GRIK1: variants seen among roughly 807,000 people sequenced by gnomAD.
The protein encoded by GRIK1 is glutamate receptor ionotropic, kainate 1.
A neutral mutation model predicts 105.7 loss-of-function variants in GRIK1; 69 were observed. The observed-to-expected ratio is 0.65, with a 90% CI of 0.54 to 0.80. GRIK1 has a LOEUF of 0.80. GRIK1 is among the 30% of genes least tolerant of loss of function. The pLI is 0.00. For missense variants in GRIK1, 1,109 were observed against 1,167.3 expected (o/e 0.95, Z 0.73); for synonymous variants, 438 against 431.3 (o/e 1.02, Z -0.19).
intron 1 of GRIK1, among the ~76,000 whole-genome samples, chr21:29,910,396 A>C (rs1371363179): frequency 6.6e-6 from 1 of 152,148 alleles, no homozygotes; most frequent in East Asian, 1.9e-4. Context: ...AAGCAAAAAC[A>C]GTCTTTAATT....
intron 1 of GRIK1, among the ~76,000 whole-genome samples, chr21:29,791,232 T>C (rs982545486): frequency 6.6e-5 from 10 of 152,034 alleles, no homozygotes; most frequent in Non-Finnish European, 1.2e-4. Flanking sequence ...CTCAGTGTGA[T>C]GGAAAGCCAG....
intron 1 of GRIK1, among the ~76,000 whole-genome samples, chr21:29,876,560 A>G (rs1430322420): frequency 6.6e-6 from 1 of 152,064 alleles, no homozygotes; most frequent in Non-Finnish European, 1.5e-5. Flanking sequence ...TGCTTTTTCT[A>G]TACATGTTGC....
At chr21:29,599,394 G>A (rs148936062) in intron 7 of GRIK1, among the ~76,000 whole-genome samples, 2 of 152,284 alleles carry the variant, frequency 1.3e-5, no homozygotes, top group Admixed American at 6.5e-5. Flanking sequence ...TTATGACTTA[G>A]CGTGTTTGCA....
intron 1 of GRIK1, among the ~76,000 whole-genome samples, chr21:29,768,217 C>T (rs1439325901): frequency 6.6e-6 from 1 of 152,100 alleles, no homozygotes; most frequent in Non-Finnish European, 1.5e-5. Context: ...GGTGCTAATT[C>T]TGGGTATGCC....
chr21:29,613,736 G>A (rs1025832158), intron 7 of GRIK1, among the ~76,000 whole-genome samples: 5 of 152,158 alleles, frequency 3.3e-5, no homozygotes, highest in African/African-American at 4.8e-5. Context: ...TGAAAACATT[G>A]AGTTAGTCAT....
At chr21:29,575,600 G>A (rs2090871842) in intron 14 of GRIK1, among the ~76,000 whole-genome samples, 1 of 152,180 alleles carries the variant, frequency 6.6e-6, no homozygotes. Context: ...TTGGGAGGCT[G>A]AGGCAGGCAG....
intron 7 of GRIK1, among the ~76,000 whole-genome samples, chr21:29,632,071 T>C (rs1187069017): frequency 1.3e-5 from 2 of 152,372 alleles, no homozygotes; most frequent in East Asian, 3.9e-4. Context: ...TTGTTCCCTC[T>C]ACTTGGATCT....
chr21:29,553,532 CTT>C (rs112669361), intron 16 of GRIK1: 7,306 of 1,284,468 alleles, frequency 5.7e-3, no homozygotes, highest in South Asian at 0.012. Flanking sequence ...CTGGGCACAT[CTT>C]TTTTTTTTTT....
chr21:29,775,275 CAAAAAAAAAA>C (rs66647707), intron 1 of GRIK1, among the ~76,000 whole-genome samples: 1 of 74,722 alleles, frequency 1.3e-5, no homozygotes, highest in African/African-American at 4.8e-5. Flanking sequence ...GCCTCTGTCT[CAAAAAAAAAA>C]AAAAAAAAAA....
intron 9 of GRIK1, among the ~76,000 whole-genome samples, chr21:29,591,525 A>T (rs1458853211): frequency 1.3e-5 from 2 of 152,084 alleles, no homozygotes; most frequent in East Asian, 3.8e-4. Context: ...TGAATATCAG[A>T]TTTTTCTTCC....
chr21:29,761,010 T>C (rs1569060650), intron 1 of GRIK1, among the ~76,000 whole-genome samples: 1 of 152,228 alleles, frequency 6.6e-6, no homozygotes, highest in African/African-American at 2.4e-5. Context: ...AACATTTACC[T>C]TTCCTGTGTG....
Position 29,690,000 on chromosome 21 carries a change from C to T in GRIK1, c.287-15G>A. 1.5e-6 allele frequency: 2 copies of T among 1,378,134 alleles called. No homozygotes were observed. The highest frequency in any genetic ancestry group is 2.0e-6 in the Non-Finnish European group (2 of 991,156). The allele number at this position is 1,378,134 out of a possible 1,614,324, so 85.4% of individuals were successfully genotyped here. ...CTGGTCACATGCTGATGCCCAAGGA[C>T]AAGGAGAGGATGGGGAGGGAGGGCA... On this transcript the variant is annotated splice_polypyrimidine_tract_variant and intron_variant, in intron 2 of 17. Coordinates refer to ENST00000327783, the MANE Select transcript of GRIK1 (RefSeq NM_001330994.2).
chr21:29,640,962 C>T (rs2062497917), intron 7 of GRIK1, among the ~76,000 whole-genome samples: 1 of 152,090 alleles, frequency 6.6e-6, no homozygotes, highest in Admixed American at 6.5e-5. Flanking sequence ...GTTTGAAATT[C>T]CTGGTATCAT....
Position 29,665,290 on chromosome 21 carries a change from A to G in GRIK1, c.726+7693T>C, listed in dbSNP as rs535078783. On this transcript the variant is annotated intron_variant, in intron 4 of 17. Transcript: ENST00000327783. ...AATTAATTCTTGTATACATTTAATA[A>G]TATACTCGTAACTATGAACCGCTCC... Among the ~76,000 whole-genome samples, 6 of 152,312 alleles carry G rather than the reference A, an allele frequency of 3.9e-5. No homozygotes were observed. The East Asian group carries it at 1.2e-3, about 29-fold the overall frequency.
chr21:29,605,600 T>C (rs538485643), intron 7 of GRIK1, among the ~76,000 whole-genome samples: 19 of 152,284 alleles, frequency 1.2e-4, no homozygotes, highest in African/African-American at 4.3e-4. Context: ...GATTGCTGGG[T>C]CAAAAGGTAT....
At chr21:29,614,274 C>G (rs915646873) in intron 7 of GRIK1, among the ~76,000 whole-genome samples, 2 of 152,034 alleles carry the variant, frequency 1.3e-5, no homozygotes, top group Non-Finnish European at 2.9e-5. Context: ...ACGCTGATCT[C>G]TGTGCATTTT....
chr21:29,748,920 TA>T (rs1300920230), intron 1 of GRIK1: 14 of 152,340 alleles, frequency 9.2e-5, no homozygotes, highest in African/African-American at 3.1e-4. Context: ...CTTCTGATCC[TA>T]ATTCGATCTG....
chr21:29,829,373 A>T (rs2067563771), intron 1 of GRIK1, among the ~76,000 whole-genome samples: 1 of 152,190 alleles, frequency 6.6e-6, no homozygotes, highest in Admixed American at 6.6e-5. Context: ...TCATAACATG[A>T]ATCATAGTCA....
intron 1 of GRIK1, among the ~76,000 whole-genome samples, chr21:29,929,326 T>G (rs1569226796): frequency 6.6e-6 from 1 of 152,132 alleles, no homozygotes; most frequent in African/African-American, 2.4e-5. Flanking sequence ...CAAAATCTTA[T>G]CCTTAACTAA....
Sources: allele counts gnomAD v4.1 joint callset (sites outside exome capture counted in the v4.1 genomes callset), GRCh38; gene constraint gnomAD v4.1.1; transcripts MANE v1.5; gene names NCBI Gene and HGNC (gene_info 2026-07-23, HGNC 2026-07-21).